Variants in POF1B observed in about 807,000 individuals in gnomAD.
POF1B encodes the protein protein POF1B.
A neutral mutation model predicts 55.3 loss-of-function variants in POF1B; 53 were observed. The ratio of observed to expected loss-of-function variants is 0.96; its 90% CI spans 0.77 to 1.20. The LOEUF (loss-of-function observed/expected upper bound fraction) is 1.20, where lower values mean the gene tolerates loss of function less well. POF1B is among the 50% of genes most tolerant of loss of function. POF1B has a pLI of 0.00. For synonymous variants in POF1B, 188 were observed against 148.3 expected, an observed-to-expected ratio of 1.27 and a Z score of -1.95; for missense variants, 478 against 420.5, an observed-to-expected ratio of 1.14 and a Z score of -1.20.
intron 6 of POF1B, among the ~76,000 whole-genome samples, chrX:85,334,485 C>T (rs1933032317): frequency 9.0e-6 from 1 of 111,319 alleles, no homozygotes; most frequent in Non-Finnish European, 1.9e-5. Flanking sequence ...GATTCATGAG[C>T]ATGCATCAAT....
Position 85,278,073 on chromosome X carries a change from A to G in POF1B, c.*1348T>C, listed in dbSNP as rs1931818883. The G allele has an allele frequency of 9.0e-6, 1 of 111,240 alleles. No individual in the cohort carries two copies. Among genetic ancestry groups the G allele is most frequent in the African/African-American group, 3.3e-5 (1 of 30,703 alleles). 9.2% of individuals were successfully genotyped at this position (111,240 alleles called of 1,213,427 possible). ...GTTATGGAGCTTAACATTTTAGCCG[A>G]AATATTAAGATAATATAAATAAGGC... On this transcript the variant is annotated 3_prime_UTR_variant, in exon 17 of 17. Transcript: ENST00000262753.
intron 4 of POF1B, among the ~76,000 whole-genome samples, chrX:85,352,126 C>T (rs577964375): frequency 9.0e-6 from 1 of 110,826 alleles, no homozygotes; most frequent in African/African-American, 3.3e-5. Flanking sequence ...AGGCTGGTGA[C>T]ATGTCCAAAA....
chrX:85,309,400 TA>T (rs1304180054), intron 9 of POF1B, among the ~76,000 whole-genome samples: 1 of 110,833 alleles, frequency 9.0e-6, no homozygotes, highest in African/African-American at 3.3e-5. Flanking sequence ...TACTTTTCCC[TA>T]GCCTTCCTGT....
chrX:85,336,268 A>C (rs897722748), intron 6 of POF1B, among the ~76,000 whole-genome samples: 1 of 110,693 alleles, frequency 9.0e-6, no homozygotes, highest in Non-Finnish European at 1.9e-5. Flanking sequence ...GGATAAAGAA[A>C]ATTTTTAGAT....
intron 15 of POF1B, among the ~76,000 whole-genome samples, chrX:85,284,230 C>T (rs1478336567): frequency 9.0e-6 from 1 of 111,317 alleles, no homozygotes; most frequent in Non-Finnish European, 1.9e-5. Context: ...GCCATACTGC[C>T]CAAGGTAATT....
At chrX:85,314,163 G>A in intron 9 of POF1B, among the ~76,000 whole-genome samples, 1 of 110,736 alleles carries the variant, frequency 9.0e-6, no homozygotes, top group Non-Finnish European at 1.9e-5. Context: ...ATGAGATAGA[G>A]TCAGATTGTA....
chrX:85,308,405 G>A (rs954975457), intron 9 of POF1B, among the ~76,000 whole-genome samples, 189 bp from the exon 10 acceptor site: 1 of 111,424 alleles, frequency 9.0e-6, no homozygotes, highest in African/African-American at 3.3e-5. Context: ...CCTGAAGATA[G>A]CATAGCTAGT....
intron 15 of POF1B, among the ~76,000 whole-genome samples, 184 bp downstream of exon 15, chrX:85,303,222 G>A (rs951761954): frequency 2.7e-5 from 3 of 111,118 alleles, no homozygotes; most frequent in Non-Finnish European, 5.7e-5. Context: ...CAGGAAAGAT[G>A]TGCTTCAGGA....
chrX:85,360,043 A>G (rs1272665209), intron 3 of POF1B, among the ~76,000 whole-genome samples: 3 of 110,935 alleles, frequency 2.7e-5, no homozygotes, highest in Non-Finnish European at 5.7e-5. Context: ...AAACATATAA[A>G]TCCTCAGTGT....
intron 7 of POF1B, among the ~76,000 whole-genome samples, chrX:85,323,730 AT>A (rs1932866589): frequency 9.1e-6 from 1 of 110,392 alleles, no homozygotes; most frequent in Non-Finnish European, 1.9e-5. Flanking sequence ...TTCAGCTTGA[AT>A]TTGGTTATTT....
rs149085556 is a variant in POF1B, at chrX:85,314,446, G to A, written c.943C>T (p.Arg315Cys). Residue 315 changes from arginine (R) to cysteine (C), a missense_variant, in exon 9 of 17, where the codon CGC becomes TGC. Coordinates refer to ENST00000262753, the MANE Select transcript of POF1B (RefSeq NM_024921.4). Reference sequence around the variant, plus strand: ...CCCCAACTCACCTGCAGAATGTAGCGTATTTGCTGTTTTGTAAACTCTGAT... The same window carrying A: ...CCCCAACTCACCTGCAGAATGTAGCATATTTGCTGTTTTGTAAACTCTGAT... ...GLSEFTKQQI[R>C]YILQMRGMSD... is the part of the protein sequence containing the mutation. 8.3e-4 allele frequency: 990 copies of A among 1,194,703 alleles called. No individual in the cohort carries two copies. The highest frequency in any genetic ancestry group is 7.7e-4 in the Non-Finnish European group (684 of 887,414).
At chrX:85,356,613 C>G (rs1308604330) in intron 4 of POF1B, among the ~76,000 whole-genome samples, 1 of 109,854 alleles carries the variant, frequency 9.1e-6, no homozygotes, top group Non-Finnish European at 1.9e-5. Flanking sequence ...GGAAGTAAAT[C>G]AAAAATTGAT....
intron 5 of POF1B, among the ~76,000 whole-genome samples, chrX:85,350,139 C>T (rs1331827268): frequency 2.7e-5 from 3 of 110,115 alleles, no homozygotes; most frequent in African/African-American, 6.6e-5. Context: ...CCCACTAACT[C>T]GTCATTTAGC....
At chrX:85,379,549 TCAGG>T in intron 1 of POF1B, 54 bp from the exon 2 acceptor site, 1 of 959,212 alleles carries the variant, frequency 1.0e-6, no homozygotes, top group South Asian at 2.4e-5. Flanking sequence ...AAGCAGGCAG[TCAGG>T]CAGGCAGACA....
chrX:85,308,768 C>A (rs764379877), intron 9 of POF1B, among the ~76,000 whole-genome samples: 1 of 110,990 alleles, frequency 9.0e-6, no homozygotes, highest in Non-Finnish European at 1.9e-5. Flanking sequence ...ATCTCTGCCC[C>A]CTGGGTTCAA....
chrX:85,361,015 T>G (rs1324509504), intron 3 of POF1B, among the ~76,000 whole-genome samples: 2 of 111,801 alleles, frequency 1.8e-5, no homozygotes, highest in Non-Finnish European at 3.8e-5. Flanking sequence ...GTTGGTTACA[T>G]GTATGGCTTC....
Position 85,367,761 on chromosome X carries a change from G to T in POF1B, c.288C>A (p.Leu96=). The change falls in exon 3 of 17, where the codon CTC becomes CTA. Residue 96 remains leucine (L), a synonymous_variant. Coordinates refer to ENST00000262753, the MANE Select transcript of POF1B (RefSeq NM_024921.4). ...NLVWSDHSQE[L]HSPTLKISTC... is the part of the protein sequence containing the mutation. ...TAGATATTTTTAAAGTTGGAGAATGGAGTTCCTGTTAAGAGAAACAAAAGG... is the reference window on the plus strand; with the variant it reads ...TAGATATTTTTAAAGTTGGAGAATGTAGTTCCTGTTAAGAGAAACAAAAGG... 1 of 1,138,834 alleles carries T rather than the reference G, an allele frequency of 8.8e-7. No individual in the cohort carries two copies. The highest frequency in any genetic ancestry group is 2.7e-5 in the Admixed American group (1 of 36,834). The allele number at this position is 1,138,834 out of a possible 1,213,427, so 93.9% of individuals were successfully genotyped here.
intron 9 of POF1B, among the ~76,000 whole-genome samples, chrX:85,311,468 G>T (rs996925165): frequency 1.8e-5 from 2 of 110,658 alleles, no homozygotes; most frequent in African/African-American, 6.6e-5. Flanking sequence ...TTCTGTGTCA[G>T]TTTGCTGCGA....
intron 2 of POF1B, among the ~76,000 whole-genome samples, chrX:85,375,222 G>T (rs1933900919): frequency 8.9e-6 from 1 of 111,840 alleles, no homozygotes; most frequent in African/African-American, 3.2e-5. Context: ...AGAAAAAGTT[G>T]GCTGAAATAT....
Sources: gnomAD v4.1 joint callset for allele counts (sites outside exome capture counted in the v4.1 genomes callset) on GRCh38, gnomAD v4.1.1 for gene constraint, MANE v1.5 for transcripts, NCBI Gene and HGNC (gene_info 2026-07-23, HGNC 2026-07-21) for gene names.